NUP155: variants seen among roughly 807,000 people sequenced by gnomAD.
NUP155 encodes nucleoporin 155, also known as nuclear pore complex protein Nup155.
A neutral mutation model predicts 180.4 loss-of-function variants in NUP155; 71 were observed. The observed-to-expected ratio is 0.39, with a 90% CI of 0.33 to 0.48. The LOEUF is 0.48. Among genes scored for constraint, NUP155 ranks in the 20% least tolerant of loss-of-function variants. NUP155 has a pLI of 0.91. For synonymous variants in NUP155, 582 were observed against 559.5 expected (o/e 1.04, Z -0.57); for missense variants, 1,553 against 1,648.9 (o/e 0.94, Z 1.01).
intron 19 of NUP155, 107 bp from the exon 20 acceptor site, chr5:37,324,214 A>G (rs529527773): frequency 3.4e-4 from 251 of 742,790 alleles, no homozygotes; most frequent in Non-Finnish European, 5.0e-4. Flanking sequence ...TATTTCTTGT[A>G]TCAATTCACA....
At position 37,331,939 on chromosome 5, in the gene NUP155, C is replaced by T. The variant is rs556131271; in HGVS notation, c.1519-144G>A. On this transcript the variant is annotated intron_variant, in intron 13 of 34. Coordinates refer to ENST00000231498, the MANE Select transcript of NUP155 (RefSeq NM_153485.3). ...AAAGTAGGCTGGGTATGGTGGCCCA[C>T]ATTTGTATTTCCAGCACATCACGGG... 4.7e-4 allele frequency: 304 copies of T among 652,298 alleles called. 1 individual carries two copies. The highest frequency in any genetic ancestry group is 3.2e-3 in the South Asian group (200 of 61,642). The allele number at this position is 652,298 out of a possible 1,614,324, so 40.4% of individuals were successfully genotyped here. A position where few individuals can be genotyped will look rare whatever the true frequency, so the allele number is the denominator to read the frequency against.
chr5:37,343,175 C>T lies in NUP155; in HGVS notation c.996-529G>A, dbSNP rs528017509. Among the ~76,000 whole-genome samples, 344 of 151,598 alleles carry T rather than the reference C, an allele frequency of 2.3e-3. 2 individuals are homozygous for T. The highest frequency in any genetic ancestry group is 8.0e-3 in the African/African-American group (332 of 41,322). ...CTGCAAGCTCCACCTGCCAGGTTCA[C>T]GCCATTCTCCTGCCTCAGCCTCCCA... is the stretch of plus-strand genomic sequence containing the variant. On this transcript the variant is annotated intron_variant, in intron 9 of 34. Coordinates refer to ENST00000231498, the MANE Select transcript of NUP155 (RefSeq NM_153485.3).
At position 37,341,229 on chromosome 5, in the gene NUP155, A is replaced by G. The variant is rs1342224333; in HGVS notation, c.1107T>C (p.Tyr369=). 6.2e-7 allele frequency: 1 copy of G among 1,614,050 alleles called. No individual in the cohort carries two copies. Among genetic ancestry groups the G allele is most frequent in the Non-Finnish European group, 8.5e-7 (1 of 1,179,866 alleles). The change falls in exon 11 of 35, where the codon TAT becomes TAC. Residue 369 remains tyrosine, a synonymous_variant. Coordinates refer to ENST00000231498, the MANE Select transcript of NUP155 (RefSeq NM_153485.3). The part of the protein sequence containing the change: ...LAVTHAGVRL[Y]FSTCPFRQPL... ...GCTGTCTGAATGGACAAGTGCTAAA[A>G]TATAACCTAACACCTGAAGATGGGG...
chr5:37,349,203 A>G lies in NUP155; in HGVS notation c.872T>C (p.Leu291Ser). Residue 291 changes from leucine to serine, a missense_variant, in exon 8 of 35, where the codon TTA becomes TCA. Leu to Ser is a moderately radical substitution (Grantham distance 145). Transcript: ENST00000231498. The stretch of plus-strand genomic sequence containing the variant: ...TACTCCTTTCTCAGATCGTGTATAT[A>G]AAATATTTCTAGAATTATCAATTGC... The part of the protein sequence containing the change: ...QIAIDNSRNI[L>S]YTRSEKGVIQ... 1.3e-6 allele frequency: 1 copy of G among 792,472 alleles called. No individual in the cohort carries two copies. Among genetic ancestry groups the G allele is most frequent in the Non-Finnish European group, 2.0e-6 (1 of 499,570 alleles). 49.1% of individuals were successfully genotyped at this position (792,472 alleles called of 1,614,324 possible).
rs763336970 is a variant in NUP155, at chr5:37,305,115, C to T, written c.2999G>A (p.Gly1000Asp). 1.2e-6 allele frequency: 2 copies of T among 1,613,972 alleles called. No homozygotes were observed. Among genetic ancestry groups the T allele is most frequent in the Admixed American group, 1.7e-5 (1 of 60,010 alleles). Residue 1000 changes from glycine (G) to aspartate (D), a missense_variant, in exon 26 of 35, where the codon GGT (glycine) becomes GAT (aspartate). Transcript: ENST00000231498. ...PQSPSVPKKP[G>D]PPVLSSDPNM... ...TGGATCAGATGACAACACTGGAGGA[C>T]CAGGTTTTTTGGGTACACTGGGAGA...
chr5:37,300,697 C>T (rs1180486003), intron 30 of NUP155, among the ~76,000 whole-genome samples: 1 of 152,062 alleles, frequency 6.6e-6, no homozygotes, highest in Admixed American at 6.6e-5. Flanking sequence ...CACTCTGTCA[C>T]TCAGGCTGGA....
intron 5 of NUP155, among the ~76,000 whole-genome samples, chr5:37,351,951 C>T (rs756580965): frequency 6.6e-6 from 1 of 151,846 alleles, no homozygotes; most frequent in African/African-American, 2.4e-5. Flanking sequence ...GGCCGGGTGC[C>T]GTGGCTCATG....
intron 32 of NUP155, 150 bp downstream of exon 32, chr5:37,298,718 T>C (rs1742710762): frequency 3.1e-6 from 2 of 647,952 alleles, no homozygotes; most frequent in Admixed American, 5.2e-5. Context: ...TGCCATTCTT[T>C]GGAAGTCTTT....
intron 1 of NUP155, among the ~76,000 whole-genome samples, chr5:37,364,827 G>T (rs986915298): frequency 6.6e-6 from 1 of 151,534 alleles, no homozygotes; most frequent in Non-Finnish European, 1.5e-5. Context: ...TAGTAGAAAC[G>T]GGGTTTCACC....
intron 34 of NUP155, among the ~76,000 whole-genome samples, 182 bp from the exon 35 acceptor site, chr5:37,292,220 T>A (rs1312982612): frequency 1.4e-5 from 2 of 138,404 alleles, no homozygotes; most frequent in Non-Finnish European, 3.0e-5. Context: ...TTTGAAGATT[T>A]TTTTTTTTTT....
chr5:37,322,134 A>C (rs188704460), intron 20 of NUP155, among the ~76,000 whole-genome samples: 454 of 152,166 alleles, frequency 3.0e-3, no homozygotes, highest in Non-Finnish European at 5.4e-3. Context: ...GATTACAGGC[A>C]TCAGCCATCA....
At chr5:37,345,250 A>G (rs919866549) in intron 9 of NUP155, among the ~76,000 whole-genome samples, 1 of 152,028 alleles carries the variant, frequency 6.6e-6, no homozygotes, top group Non-Finnish European at 1.5e-5. Context: ...TCATGCCTGT[A>G]ATCCCAGCAC....
intron 1 of NUP155, among the ~76,000 whole-genome samples, chr5:37,365,513 C>T (rs1322193336): frequency 1.3e-5 from 2 of 151,316 alleles, no homozygotes; most frequent in Non-Finnish European, 1.5e-5. Flanking sequence ...CAAGACCAGC[C>T]TGGCCAAAAT....
chr5:37,331,706 T>C lies in NUP155; in HGVS notation c.1608A>G (p.Glu536=). 2.5e-6 allele frequency: 4 copies of C among 1,600,654 alleles called. No individual in the cohort carries two copies. Among genetic ancestry groups the C allele is most frequent in the Non-Finnish European group, 3.4e-6 (4 of 1,169,782 alleles). ...SNVGGDGEEI[E]RFFKLHQEDQ... ...TTACCTGATGTAATTTAAAGAATCT[T>C]TCAATCTCTTCTCCATCTCCTCCCA... The change falls in exon 14 of 35, where the codon GAA becomes GAG. Residue 536 remains glutamate, a synonymous_variant. Coordinates refer to ENST00000231498, the MANE Select transcript of NUP155 (RefSeq NM_153485.3).
At chr5:37,301,167 C>T (rs945421720) in intron 30 of NUP155, 1 of 370,686 alleles carries the variant, frequency 2.7e-6, no homozygotes, top group African/African-American at 2.1e-5. Flanking sequence ...CCATGTTGCC[C>T]AGGCTGGAAA....
chr5:37,331,599 A>T (rs1744965169), intron 14 of NUP155, 86 bp downstream of exon 14: 2 of 678,908 alleles, frequency 2.9e-6, no homozygotes, highest in Admixed American at 2.5e-5. Context: ...TATTTATTAC[A>T]GTATTCCAGT....
chr5:37,344,803 T>G (rs1224125615), intron 9 of NUP155, among the ~76,000 whole-genome samples: 1 of 140,796 alleles, frequency 7.1e-6, no homozygotes, highest in African/African-American at 2.7e-5. Flanking sequence ...ACCCGGGAGG[T>G]GGAGGTTGCA....
Position 37,333,757 on chromosome 5 carries a change from G to A in NUP155, c.1348-124C>T, listed in dbSNP as rs1745132341. 1.1e-5 allele frequency: 8 copies of A among 718,176 alleles called. No homozygotes were observed. In the East Asian group the frequency reaches 2.2e-4, roughly 20 times the overall value. 44.5% of individuals were successfully genotyped at this position (718,176 alleles called of 1,614,324 possible). ...TACATTAACATGAATATTTTTGAAA[G>A]TATTATGTAATTTTCTACTATCTTT... On this transcript the variant is annotated intron_variant, in intron 12 of 34. Transcript: ENST00000231498.
chr5:37,298,012 C>T (rs976026817), intron 32 of NUP155, among the ~76,000 whole-genome samples: 5 of 150,984 alleles, frequency 3.3e-5, no homozygotes, highest in African/African-American at 4.9e-5. Context: ...CCAAGGCAAG[C>T]GGATCACCTG....
Sources: allele counts gnomAD v4.1 joint callset (sites outside exome capture counted in the v4.1 genomes callset), GRCh38; gene constraint gnomAD v4.1.1; transcripts MANE v1.5; gene names NCBI Gene and HGNC (gene_info 2026-07-23, HGNC 2026-07-21).